Variants in CAMTA1 observed in about 807,000 individuals in gnomAD.
CAMTA1 encodes the protein calmodulin binding transcription activator 1, also known as calmodulin-binding transcription activator 1.
Under a neutral mutation model 170.9 loss-of-function variants are expected in CAMTA1, and 27 were observed. The observed-to-expected ratio is 0.16, with a 90% CI of 0.12 to 0.22. The LOEUF (loss-of-function observed/expected upper bound fraction) is 0.22. Among genes scored for constraint, CAMTA1 ranks in the 10% least tolerant of loss-of-function variants. The pLI is 1.00. For synonymous variants in CAMTA1, 833 were observed against 891.5 expected, an observed-to-expected ratio of 0.93 and a Z score of 1.17; for missense variants, 1,619 against 2,217.2, an observed-to-expected ratio of 0.73 and a Z score of 5.42.
chr1:7,643,288 G>T (rs1030306954), intron 7 of CAMTA1, among the ~76,000 whole-genome samples: 2 of 152,190 alleles, frequency 1.3e-5, no homozygotes, highest in Admixed American at 6.5e-5. Context: ...CTGGACAGAG[G>T]CCCCATCCAT....
At chr1:7,478,183 G>A (rs2093453119) in intron 6 of CAMTA1, among the ~76,000 whole-genome samples, 2 of 152,246 alleles carry the variant, frequency 1.3e-5, no homozygotes, top group Non-Finnish European at 2.9e-5. Flanking sequence ...GATTGGACGG[G>A]TGGAATAGCA....
intron 5 of CAMTA1, among the ~76,000 whole-genome samples, chr1:7,332,885 C>T (rs1246744464): frequency 1.3e-5 from 2 of 152,160 alleles, no homozygotes; most frequent in Admixed American, 6.5e-5. Flanking sequence ...TTGCACGAAG[C>T]GTGAGCTTGT....
At chr1:7,011,503 C>T (rs759308305) in intron 3 of CAMTA1, among the ~76,000 whole-genome samples, 2 of 152,076 alleles carry the variant, frequency 1.3e-5, no homozygotes, top group Non-Finnish European at 2.9e-5. Flanking sequence ...GGAGGACCTA[C>T]CTTGACCTTC....
At position 7,680,105 on chromosome 1, in the gene CAMTA1, G is replaced by C. The variant is rs746850501; in HGVS notation, c.2914+2372G>C. 2 of 175,130 alleles carry C rather than the reference G, an allele frequency of 1.1e-5. No homozygotes were observed. The highest frequency in any genetic ancestry group is 2.5e-5 in the Non-Finnish European group (2 of 79,518). 10.8% of individuals were successfully genotyped at this position (175,130 alleles called of 1,614,324 possible). On this transcript the variant is annotated intron_variant, in intron 11 of 22. Transcript: ENST00000303635. This position sits in a 1 kb window ranked among gnomAD's most constrained non-coding sequence, Gnocchi z 4.4. ...GCAGCGCCGCAGTCGCAGCGCAAAG[G>C]GGGCCGCGGGAACAGCTAGTCGGGA... is the stretch of plus-strand genomic sequence containing the variant.
At chr1:7,371,056 T>G (rs1280666161) in intron 5 of CAMTA1, among the ~76,000 whole-genome samples, 1 of 148,650 alleles carries the variant, frequency 6.7e-6, no homozygotes, top group Non-Finnish European at 1.5e-5. Context: ...GGATTACAGG[T>G]GCCCACTACC....
At chr1:7,480,893 A>C (rs1056122895) in intron 6 of CAMTA1, among the ~76,000 whole-genome samples, 19 of 152,108 alleles carry the variant, frequency 1.2e-4, no homozygotes, top group African/African-American at 4.6e-4. Context: ...TCCTCTCTTA[A>C]TGCAGAATCT....
At chr1:7,291,505 G>A (rs1450022827) in intron 5 of CAMTA1, among the ~76,000 whole-genome samples, 1 of 152,218 alleles carries the variant, frequency 6.6e-6, no homozygotes, top group African/African-American at 2.4e-5. Context: ...TTTCCTCTGT[G>A]TGCACGCCCC....
intron 3 of CAMTA1, among the ~76,000 whole-genome samples, chr1:6,943,206 TCCTCCTCC>T (rs1164472105): frequency 6.6e-6 from 1 of 151,006 alleles, no homozygotes; most frequent in East Asian, 2.0e-4. Context: ...TCCCCTCTTC[TCCTCCTCC>T]CCTCCTCCCT....
rs1705112942 is a variant in CAMTA1, at chr1:7,044,855, C to T, written c.235-46449C>T. The stretch of plus-strand genomic sequence containing the variant: ...GGTTTTCTTTCCCATTCCTGTCTGC[C>T]AGCAGTGCCTCCTCTCCCCATTAAC... On this transcript the variant is annotated intron_variant, in intron 3 of 22. Coordinates refer to ENST00000303635, the MANE Select transcript of CAMTA1 (RefSeq NM_015215.4). The surrounding 1 kb of genome is among the most constrained non-coding windows in gnomAD (Gnocchi z 5.0). 6.6e-6 allele frequency among the ~76,000 whole-genome samples: 1 copy of T among 150,464 alleles called. No homozygotes were observed. The highest frequency in any genetic ancestry group is 2.5e-5 in the African/African-American group (1 of 40,688).
intron 6 of CAMTA1, among the ~76,000 whole-genome samples, chr1:7,624,223 C>T (rs1022161002): frequency 1.3e-5 from 2 of 152,186 alleles, no homozygotes; most frequent in Non-Finnish European, 2.9e-5. Flanking sequence ...GAGATGAGGA[C>T]CACAGTTTGT....
At chr1:6,837,887 AGT>A (rs1557667678) in intron 3 of CAMTA1, among the ~76,000 whole-genome samples, 1 of 152,176 alleles carries the variant, frequency 6.6e-6, no homozygotes, top group Admixed American at 6.5e-5. Context: ...AAATGGGGGT[AGT>A]GAGGCATAAG....
intron 11 of CAMTA1, among the ~76,000 whole-genome samples, chr1:7,697,210 A>G (rs939642446): frequency 6.6e-6 from 1 of 152,198 alleles, no homozygotes; most frequent in African/African-American, 2.4e-5. Context: ...TGAGGACAGG[A>G]GGACCCGAAG....
intron 3 of CAMTA1, among the ~76,000 whole-genome samples, chr1:6,899,548 G>GCACACACACA (rs1161221003): frequency 1.1e-5 from 1 of 89,688 alleles, no homozygotes; most frequent in African/African-American, 3.9e-5. Context: ...ACGCGCACGC[G>GCACACACACA]CGCGCGCACA....
At position 7,748,829 on chromosome 1, in the gene CAMTA1, G is replaced by A. The variant is rs116243864; in HGVS notation, c.4689+1048G>A. ...AAGTACTCTTTCATGCAGTATTTCTGTTTGCAAACCACCTTGTAGGGTTAT... is the reference window on the plus strand; with the variant it reads ...AAGTACTCTTTCATGCAGTATTTCTATTTGCAAACCACCTTGTAGGGTTAT... On this transcript the variant is annotated intron_variant, in intron 19 of 22. Transcript: ENST00000303635. The surrounding 1 kb of genome is among the most constrained non-coding windows in gnomAD (Gnocchi z 4.7). 3.6e-3 allele frequency among the ~76,000 whole-genome samples: 553 copies of A among 152,270 alleles called. 2 individuals are homozygous for A. Among genetic ancestry groups the A allele is most frequent in the Non-Finnish European group, 5.7e-3 (386 of 68,014 alleles).
chr1:7,656,628 CT>C (rs897430584), intron 7 of CAMTA1, among the ~76,000 whole-genome samples: 1 of 152,246 alleles, frequency 6.6e-6, no homozygotes, highest in African/African-American at 2.4e-5. Context: ...CTCTCCGCCG[CT>C]TCCCAAGGGC....
At chr1:7,430,288 T>C (rs906654136) in intron 5 of CAMTA1, among the ~76,000 whole-genome samples, 2 of 150,368 alleles carry the variant, frequency 1.3e-5, no homozygotes, top group African/African-American at 2.5e-5. Flanking sequence ...ACGAGGATGA[T>C]GGAGATGTTG....
chr1:7,420,415 A>G (rs2091484430), intron 5 of CAMTA1, among the ~76,000 whole-genome samples: 1 of 151,942 alleles, frequency 6.6e-6, no homozygotes, highest in Non-Finnish European at 1.5e-5. Context: ...TCTCCACTAG[A>G]GTGGAGCTTC....
At chr1:7,252,542 A>G (rs973903481) in intron 5 of CAMTA1, among the ~76,000 whole-genome samples, 2 of 152,238 alleles carry the variant, frequency 1.3e-5, no homozygotes, top group African/African-American at 4.8e-5. Flanking sequence ...CCTTTCCACC[A>G]GGAAATTGCA....
chr1:6,854,326 C>G (rs534119154), intron 3 of CAMTA1, among the ~76,000 whole-genome samples: 60 of 152,268 alleles, frequency 3.9e-4, no homozygotes, highest in Non-Finnish European at 7.4e-4. Flanking sequence ...ATTCATAGCC[C>G]AGGGGCAATA....
Sources: allele counts gnomAD v4.1 joint callset (sites outside exome capture counted in the v4.1 genomes callset), GRCh38; gene constraint gnomAD v4.1.1; non-coding constraint Gnocchi (gnomAD v3.1); transcripts MANE v1.5; gene names NCBI Gene and HGNC (gene_info 2026-07-23, HGNC 2026-07-21).